The following DMD variants were observed in gnomAD, a reference collection of about 807,000 sequenced individuals.
DMD encodes the protein dystrophin, also known as mutant dystrophin.
A neutral mutation model predicts 330.1 loss-of-function variants in DMD; 63 were observed. That is an observed-to-expected ratio of 0.19 (90% CI 0.16 to 0.24). The LOEUF (loss-of-function observed/expected upper bound fraction) is 0.24. DMD is among the 10% of genes least tolerant of loss of function. DMD has a pLI of 1.00. For synonymous variants in DMD, 1,223 were observed against 959.8 expected (o/e 1.27, Z -5.07); for missense variants, 3,344 against 2,684.1 (o/e 1.25, Z -5.43).
intron 7 of DMD, among the ~76,000 whole-genome samples, chrX:32,808,519 A>T (rs1405428558): frequency 9.0e-6 from 1 of 111,521 alleles, no homozygotes; most frequent in African/African-American, 3.3e-5. Context: ...GCGTCTGCAA[A>T]ACTGAGTACT....
chrX:32,854,492 CTG>C (rs774224418), intron 2 of DMD, among the ~76,000 whole-genome samples: 5 of 108,178 alleles, frequency 4.6e-5, no homozygotes, highest in East Asian at 2.9e-4. Flanking sequence ...TGAAACAAAA[CTG>C]TAAACACAGC....
chrX:31,422,036 TATA>T, intron 60 of DMD, among the ~76,000 whole-genome samples: 1 of 7,556 alleles, frequency 1.3e-4, no homozygotes, highest in African/African-American at 1.7e-4. Flanking sequence ...CACATATATA[TATA>T]TATATTTTTT....
intron 34 of DMD, among the ~76,000 whole-genome samples, chrX:32,379,270 T>G (rs2097915771): frequency 9.1e-6 from 1 of 109,298 alleles, no homozygotes; most frequent in Non-Finnish European, 1.9e-5. Flanking sequence ...AAAAATACTT[T>G]CCAGGCAGAT....
chrX:33,224,953 T>C (rs2052258850), intron 1 of DMD, among the ~76,000 whole-genome samples: 1 of 111,596 alleles, frequency 9.0e-6, no homozygotes, highest in Admixed American at 9.6e-5. Flanking sequence ...ATTTAAAATA[T>C]AGTATATTTT....
At chrX:32,190,550 TTATATATATATA>T (rs753482446) in intron 44 of DMD, among the ~76,000 whole-genome samples, 6,839 of 62,488 alleles carry the variant, frequency 0.11, 356 homozygotes, top group Admixed American at 0.16. Flanking sequence ...ATTTAAAATT[TTATATATATATA>T]TATATATATA....
chrX:32,314,618 G>C (rs955494030), intron 41 of DMD, among the ~76,000 whole-genome samples: 1 of 111,242 alleles, frequency 9.0e-6, no homozygotes, highest in African/African-American at 3.3e-5. Flanking sequence ...TACAGAATGA[G>C]AGAAAACTTT....
rs185020708 is a variant in DMD, at chrX:31,615,194, A to G, written c.8217+12479T>C. On this transcript the variant is annotated intron_variant, in intron 55 of 78. Transcript: ENST00000357033. The stretch of plus-strand genomic sequence containing the variant: ...ATTCTTTGACATTTTTCTGTGGTCA[A>G]ACTTTTCCTGACCTTTTCAATTCTT... Among the ~76,000 whole-genome samples, 224 of 111,920 alleles carry G rather than the reference A, an allele frequency of 2.0e-3. 1 individual carries two copies. The highest frequency in any genetic ancestry group is 2.5e-3 in the Non-Finnish European group (132 of 53,146).
intron 9 of DMD, among the ~76,000 whole-genome samples, chrX:32,680,800 A>G (rs1462134345): frequency 9.3e-6 from 1 of 108,064 alleles, no homozygotes; most frequent in East Asian, 2.9e-4. Context: ...CAGCACACAC[A>G]CACAGAAACA....
chrX:32,029,133 T>C (rs1351170676), intron 44 of DMD, among the ~76,000 whole-genome samples: 1 of 111,279 alleles, frequency 9.0e-6, no homozygotes, highest in East Asian at 2.9e-4. Flanking sequence ...ATGATAGAGA[T>C]GAATTTTATC....
At chrX:31,759,322 T>C (rs1300239833) in intron 51 of DMD, among the ~76,000 whole-genome samples, 6 of 108,155 alleles carry the variant, frequency 5.5e-5, no homozygotes, top group African/African-American at 1.7e-4. Context: ...AGGAATGAAA[T>C]AAGGTAGTGA....
chrX:31,473,230 G>A (rs1022308623), intron 59 of DMD, among the ~76,000 whole-genome samples: 13 of 107,945 alleles, frequency 1.2e-4, no homozygotes, highest in Admixed American at 7.0e-4. Flanking sequence ...TTAGCCAGGC[G>A]TGGTGGCACA....
At chrX:33,192,849 T>G (rs192142863) in intron 1 of DMD, among the ~76,000 whole-genome samples, 1,540 of 112,141 alleles carry the variant, frequency 0.014, 15 homozygotes, top group Non-Finnish European at 0.022. Context: ...TGGACAATAC[T>G]CTTACCTTGC....
intron 55 of DMD, among the ~76,000 whole-genome samples, chrX:31,550,843 T>C (rs1186057627): frequency 2.7e-5 from 3 of 111,620 alleles, no homozygotes; most frequent in African/African-American, 9.8e-5. Context: ...GGAAACACTG[T>C]AGGGAACAGG....
intron 2 of DMD, among the ~76,000 whole-genome samples, chrX:32,947,077 T>C (rs2090870753): frequency 2.7e-5 from 3 of 112,220 alleles, no homozygotes; most frequent in Admixed American, 1.9e-4. Context: ...CTAGTATCTC[T>C]AAAAAACACT....
intron 32 of DMD, among the ~76,000 whole-genome samples, chrX:32,387,181 T>G (rs2097964402): frequency 9.0e-6 from 1 of 110,846 alleles, no homozygotes; most frequent in South Asian, 3.7e-4. Context: ...AAACATAGGT[T>G]GCTATAAAAA....
At chrX:31,540,414 T>A (rs758543175) in intron 55 of DMD, among the ~76,000 whole-genome samples, 1 of 112,118 alleles carries the variant, frequency 8.9e-6, no homozygotes, top group African/African-American at 3.2e-5. Context: ...CACCCTTCAT[T>A]TGGAGATTTT....
chrX:32,462,995 G>A (rs1198349527), intron 25 of DMD, among the ~76,000 whole-genome samples: 1 of 111,321 alleles, frequency 9.0e-6, no homozygotes, highest in African/African-American at 3.3e-5. Context: ...ATGTGTCGAA[G>A]AGGCCAAACT....
At chrX:31,646,926 C>T (rs2080139615) in intron 54 of DMD, among the ~76,000 whole-genome samples, 1 of 112,117 alleles carries the variant, frequency 8.9e-6, no homozygotes, top group African/African-American at 3.2e-5. Flanking sequence ...CCTCAACAAA[C>T]CTTATGCACA....
chrX:32,736,642 C>T (rs1171468233), intron 7 of DMD, among the ~76,000 whole-genome samples: 2 of 109,183 alleles, frequency 1.8e-5, no homozygotes, highest in African/African-American at 6.8e-5. Flanking sequence ...TGGAAATCAT[C>T]ATTCTCAGTA....
Sources: allele counts gnomAD v4.1 joint callset (sites outside exome capture counted in the v4.1 genomes callset), GRCh38; gene constraint gnomAD v4.1.1; transcripts MANE v1.5; gene names NCBI Gene and HGNC (gene_info 2026-07-23, HGNC 2026-07-21).